The following BNC2 variants were observed in gnomAD, a reference collection of about 807,000 sequenced individuals.
BNC2 encodes the protein zinc finger protein basonuclin-2.
In BNC2, 20 loss-of-function variants were observed where a neutral mutation model predicts 76.3. The ratio of observed to expected loss-of-function variants is 0.26; its 90% CI spans 0.18 to 0.38. The LOEUF is 0.38. Among genes scored for constraint, BNC2 ranks in the 10% least tolerant of loss-of-function variants. The pLI is 1.00. For missense variants in BNC2, 1,382 were observed against 1,399.8 expected (o/e 0.99, Z 0.20); for synonymous variants, 582 against 514.8 (o/e 1.13, Z -1.77).
At chr9:16,720,277 T>C (rs888192111) in intron 3 of BNC2, among the ~76,000 whole-genome samples, 4 of 152,166 alleles carry the variant, frequency 2.6e-5, no homozygotes, top group Admixed American at 2.0e-4. Context: ...ATTTCAATTC[T>C]CTTCTATTAA....
rs1399395456 is a variant in BNC2, at chr9:16,414,499, A to C, written c.*4490T>G. On this transcript the variant is annotated 3_prime_UTR_variant, in exon 7 of 7. Transcript: ENST00000380672. ...GGGAGAAGATAAGTGATTTTAAAGA[A>C]TGAAATTCGTTTGTCATAATTTTAA... is the stretch of plus-strand genomic sequence containing the variant. 2 of 152,240 alleles carry C rather than the reference A, an allele frequency of 1.3e-5. No homozygotes were observed. The highest frequency in any genetic ancestry group is 4.8e-5 in the African/African-American group (2 of 41,462). 9.4% of individuals were successfully genotyped at this position (152,240 alleles called of 1,614,324 possible). A position where few individuals can be genotyped will look rare whatever the true frequency, so the allele number is the denominator to read the frequency against.
At chr9:16,712,399 A>G (rs1295417695) in intron 3 of BNC2, among the ~76,000 whole-genome samples, 1 of 152,252 alleles carries the variant, frequency 6.6e-6, no homozygotes, top group East Asian at 1.9e-4. Flanking sequence ...AAATAATGGG[A>G]ATGGAAATGA....
chr9:16,695,745 C>T (rs1294416205), intron 3 of BNC2, among the ~76,000 whole-genome samples: 1 of 152,010 alleles, frequency 6.6e-6, no homozygotes, highest in Non-Finnish European at 1.5e-5. Context: ...TGTCACGTAC[C>T]TCTGTGTGAA....
At chr9:16,761,883 G>A (rs1211354200) in intron 1 of BNC2, among the ~76,000 whole-genome samples, 4 of 152,130 alleles carry the variant, frequency 2.6e-5, no homozygotes, top group African/African-American at 9.7e-5. Context: ...ATGCTACCAA[G>A]TTACATGTAA....
At chr9:16,571,709 T>C (rs1158125929) in intron 4 of BNC2, among the ~76,000 whole-genome samples, 1 of 152,168 alleles carries the variant, frequency 6.6e-6, no homozygotes, top group Admixed American at 6.6e-5. Flanking sequence ...TGTCTGCCTC[T>C]CTCTCTTTAG....
At chr9:16,846,212 TC>T (rs1236445680) in intron 1 of BNC2, among the ~76,000 whole-genome samples, 1 of 152,002 alleles carries the variant, frequency 6.6e-6, no homozygotes, top group Non-Finnish European at 1.5e-5. Flanking sequence ...TTGGTGAATT[TC>T]TAACTGTAAA....
At chr9:16,599,378 T>C (rs1005790009) in intron 3 of BNC2, among the ~76,000 whole-genome samples, 2 of 152,214 alleles carry the variant, frequency 1.3e-5, no homozygotes, top group Non-Finnish European at 2.9e-5. Context: ...AAGGCAGAGA[T>C]GGCTGTGAAC....
chr9:16,679,659 G>A (rs565161664), intron 3 of BNC2, among the ~76,000 whole-genome samples: 6 of 152,214 alleles, frequency 3.9e-5, no homozygotes, highest in Admixed American at 6.5e-5. Flanking sequence ...TCTGAAGGAC[G>A]TTCCCTAGAT....
intron 3 of BNC2, among the ~76,000 whole-genome samples, chr9:16,657,658 A>G (rs1332679562): frequency 1.3e-5 from 2 of 152,188 alleles, no homozygotes; most frequent in East Asian, 3.8e-4. Context: ...TCGTGTATTA[A>G]TAATAGGAAA....
At chr9:16,766,903 C>T (rs1356912215) in intron 1 of BNC2, among the ~76,000 whole-genome samples, 1 of 152,206 alleles carries the variant, frequency 6.6e-6, no homozygotes, top group Admixed American at 6.5e-5. Flanking sequence ...CTCCCCTACC[C>T]AGTTTTATGG....
intron 4 of BNC2, among the ~76,000 whole-genome samples, chr9:16,570,804 C>G (rs971632373): frequency 6.6e-6 from 1 of 152,090 alleles, no homozygotes; most frequent in Non-Finnish European, 1.5e-5. Flanking sequence ...GGGATTTAGA[C>G]CATTGGCAAA....
At chr9:16,813,782 T>C (rs529837453) in intron 1 of BNC2, among the ~76,000 whole-genome samples, 40 of 152,304 alleles carry the variant, frequency 2.6e-4, no homozygotes, top group Middle Eastern at 3.4e-3. Flanking sequence ...GCAAAGAACA[T>C]AGGTTTTTCA....
chr9:16,457,941 G>C (rs1204553967), intron 5 of BNC2, among the ~76,000 whole-genome samples: 1 of 152,142 alleles, frequency 6.6e-6, no homozygotes, highest in Non-Finnish European at 1.5e-5. Flanking sequence ...AACATAAAGA[G>C]AGATTCTGTG....
In BNC2 at chr9:16,417,466, C is replaced by T. The variant is rs1266624549; in HGVS notation, c.*1523G>A. 6.6e-6 allele frequency: 1 copy of T among 152,158 alleles called. No homozygotes were observed. Among genetic ancestry groups the T allele is most frequent in the Non-Finnish European group, 1.5e-5 (1 of 68,008 alleles). 9.4% of individuals were successfully genotyped at this position (152,158 alleles called of 1,614,324 possible). On this transcript the variant is annotated 3_prime_UTR_variant, in exon 7 of 7. Transcript: ENST00000380672. The stretch of plus-strand genomic sequence containing the variant: ...AGAGATCCTGCTTTAAAACCCCCTT[C>T]TTCTGGCTTTTCAGAAAGGAGTGTT...
At chr9:16,734,811 G>C (rs1002570834) in intron 2 of BNC2, among the ~76,000 whole-genome samples, 2 of 152,200 alleles carry the variant, frequency 1.3e-5, no homozygotes, top group African/African-American at 4.8e-5. Flanking sequence ...TAGACCAATA[G>C]AGGAAAATAG....
At chr9:16,531,198 T>G (rs545107914) in intron 5 of BNC2, among the ~76,000 whole-genome samples, 314 of 152,258 alleles carry the variant, frequency 2.1e-3, no homozygotes, top group African/African-American at 7.1e-3. Flanking sequence ...AAAAACAAAC[T>G]AGAAGACCAC....
At chr9:16,811,631 G>C (rs921020342) in intron 1 of BNC2, among the ~76,000 whole-genome samples, 2 of 150,300 alleles carry the variant, frequency 1.3e-5, no homozygotes, top group African/African-American at 4.9e-5. Flanking sequence ...TGACTATTCA[G>C]TACATATGTA....
intron 3 of BNC2, among the ~76,000 whole-genome samples, chr9:16,713,260 T>C (rs188260105): frequency 6.7e-4 from 102 of 152,268 alleles, no homozygotes; most frequent in African/African-American, 2.3e-3. Context: ...GATACTTACA[T>C]AGTCATAGAC....
chr9:16,776,459 C>A (rs529338960), intron 1 of BNC2, among the ~76,000 whole-genome samples: 8 of 152,152 alleles, frequency 5.3e-5, no homozygotes, highest in Admixed American at 2.0e-4. Flanking sequence ...TATTTAAATT[C>A]AGATTAAAAT....
Sources: gnomAD v4.1 joint callset for allele counts (sites outside exome capture counted in the v4.1 genomes callset) on GRCh38, gnomAD v4.1.1 for gene constraint, MANE v1.5 for transcripts, NCBI Gene and HGNC (gene_info 2026-07-23, HGNC 2026-07-21) for gene names.